The following ANKS1B variants were observed in gnomAD, a reference collection of about 807,000 sequenced individuals.
ANKS1B encodes the protein ankyrin repeat and sterile alpha motif domain containing 1B.
ANKS1B carries 36 observed loss-of-function variants against 148.3 expected under a neutral mutation model. The ratio of observed to expected loss-of-function variants is 0.24; its 90% CI spans 0.19 to 0.32. The LOEUF is 0.32. Ranked by LOEUF, ANKS1B falls within the 10% of genes least tolerant of loss-of-function variation. The pLI, the probability that ANKS1B is intolerant of heterozygous loss-of-function variation, is 1.00. For missense variants in ANKS1B, 1,157 were observed against 1,542.6 expected (o/e 0.75, Z 4.19); for synonymous variants, 542 against 560.8 (o/e 0.97, Z 0.47).
chr12:99,089,056 C>A (rs766626182), intron 15 of ANKS1B, among the ~76,000 whole-genome samples: 1 of 151,870 alleles, frequency 6.6e-6, no homozygotes, highest in African/African-American at 2.4e-5. Context: ...AACTCCTGAC[C>A]TCAGGTGATC....
rs149749373 is a variant in ANKS1B, at chr12:99,944,934, G to C, written c.134+39170C>G. On this transcript the variant is annotated intron_variant, in intron 1 of 26. Transcript: ENST00000683438. ...ATTTAGACATGCTGAAATGGGGATG[G>C]GGAGAGGTAGCCAGGTGAAGGAAGC... 2.7e-3 allele frequency among the ~76,000 whole-genome samples: 413 copies of C among 152,168 alleles called. 1 individual carries two copies. Among genetic ancestry groups the C allele is most frequent in the African/African-American group, 9.5e-3 (394 of 41,520 alleles).
At position 99,216,710 on chromosome 12, in the gene ANKS1B, T is replaced by C. The variant is rs553386999; in HGVS notation, c.2419+27632A>G. On this transcript the variant is annotated intron_variant, in intron 14 of 26. Coordinates refer to ENST00000683438, the MANE Select transcript of ANKS1B (RefSeq NM_001352186.2). ...TATAGGATCTGACAAGGCCCTGTCT[T>C]GTCTCTTTTAAGAAGGCATAGTTTG... 5.3e-5 allele frequency among the ~76,000 whole-genome samples: 8 copies of C among 152,314 alleles called. No individual in the cohort carries two copies. The East Asian group carries it at 1.4e-3, about 26-fold the overall frequency.
chr12:99,645,499 A>T (rs1177475768), intron 9 of ANKS1B, among the ~76,000 whole-genome samples: 1 of 152,154 alleles, frequency 6.6e-6, no homozygotes, highest in East Asian at 1.9e-4. Context: ...GGTCATCTCC[A>T]TTTCAAGGCT....
At chr12:99,315,560 A>T (rs2083921544) in intron 12 of ANKS1B, among the ~76,000 whole-genome samples, 1 of 152,198 alleles carries the variant, frequency 6.6e-6, no homozygotes, top group South Asian at 2.1e-4. Flanking sequence ...TTTTTCTATA[A>T]GTTTTATTAA....
intron 11 of ANKS1B, among the ~76,000 whole-genome samples, chr12:99,424,511 G>A (rs898250214): frequency 1.3e-5 from 2 of 149,296 alleles, no homozygotes; most frequent in East Asian, 1.9e-4. Context: ...AGGCTTAAAA[G>A]CTATGAAGTA....
chr12:99,236,081 G>A (rs570245956), intron 14 of ANKS1B, among the ~76,000 whole-genome samples: 13 of 152,272 alleles, frequency 8.5e-5, no homozygotes, highest in Admixed American at 6.5e-4. Flanking sequence ...TTTCACCAGC[G>A]CTGGAAGTGA....
chr12:99,648,244 T>C, intron 9 of ANKS1B: 3 of 1,614,142 alleles, frequency 1.9e-6, no homozygotes, highest in Non-Finnish European at 2.5e-6. Context: ...GTTTAACACC[T>C]CCATGGGGAA....
chr12:99,785,457 G>T (rs1278379738), intron 4 of ANKS1B, among the ~76,000 whole-genome samples: 1 of 151,278 alleles, frequency 6.6e-6, no homozygotes, highest in African/African-American at 2.4e-5. Flanking sequence ...TTTTTGAGAT[G>T]GAGTCTTGCT....
intron 1 of ANKS1B, among the ~76,000 whole-genome samples, chr12:99,889,483 T>C (rs2092991650): frequency 6.6e-6 from 1 of 152,210 alleles, no homozygotes; most frequent in African/African-American, 2.4e-5. Context: ...ACAAGAGACC[T>C]TTTTGCTTAA....
chr12:98,830,086 T>C (rs904349069), intron 18 of ANKS1B, among the ~76,000 whole-genome samples: 1 of 152,032 alleles, frequency 6.6e-6, no homozygotes, highest in Non-Finnish European at 1.5e-5. Flanking sequence ...TTTGTTCCCC[T>C]AAATCTCTTC....
chr12:99,245,018 C>A (rs1048451498), intron 13 of ANKS1B, among the ~76,000 whole-genome samples: 3 of 152,148 alleles, frequency 2.0e-5, no homozygotes, highest in Admixed American at 2.0e-4. Flanking sequence ...CCACACCTGG[C>A]TAATTTTTGT....
In ANKS1B at chr12:99,744,725, C is replaced by T. The variant is rs550575250; in HGVS notation, c.1128+28197G>A. ...AGATACTTCAGGCCAGGTGCGGTGG[C>T]TCATGCCTGTAATCCCAGCACTTTG... On this transcript the variant is annotated intron_variant, in intron 8 of 26. Transcript: ENST00000683438. Among the ~76,000 whole-genome samples the T allele has an allele frequency of 9.8e-5, 15 of 152,318 alleles. No homozygotes were observed. In the South Asian group the frequency reaches 3.1e-3, roughly 32 times the overall value.
At chr12:99,665,386 C>T (rs1836367841) in intron 8 of ANKS1B, among the ~76,000 whole-genome samples, 1 of 152,108 alleles carries the variant, frequency 6.6e-6, no homozygotes, top group East Asian at 1.9e-4. Flanking sequence ...ACATTTCTGC[C>T]AGTGCTACTA....
chr12:98,799,585 G>C lies in ANKS1B; in HGVS notation c.3271-580C>G, dbSNP rs561910526. Among the ~76,000 whole-genome samples, 3 of 152,142 alleles carry C rather than the reference G, an allele frequency of 2.0e-5. No homozygotes were observed. In the South Asian group the frequency reaches 6.2e-4, roughly 32 times the overall value. ...GTTGTTTCCCAGGGGAAGAGAGCTG[G>C]GTTCCTGGTGCGAAGTGCCACCTGG... On this transcript the variant is annotated intron_variant, in intron 21 of 26. Transcript: ENST00000683438.
chr12:99,978,176 T>C (rs2095651062), intron 1 of ANKS1B, among the ~76,000 whole-genome samples: 2 of 152,330 alleles, frequency 1.3e-5, no homozygotes, highest in East Asian at 1.9e-4. Context: ...GAGGCACTAA[T>C]AAATATTATA....
intron 12 of ANKS1B, among the ~76,000 whole-genome samples, chr12:99,248,797 C>T (rs2074207033): frequency 2.0e-5 from 3 of 152,120 alleles, no homozygotes; most frequent in Admixed American, 2.0e-4. Context: ...ATCCATTGGC[C>T]TTGCAAATAT....
At chr12:99,703,757 T>A (rs372028254) in intron 8 of ANKS1B, among the ~76,000 whole-genome samples, 1 of 152,258 alleles carries the variant, frequency 6.6e-6, no homozygotes, top group East Asian at 1.9e-4. Flanking sequence ...CTCATCACTA[T>A]CCTATAAGGT....
chr12:99,723,338 G>C (rs903874737), intron 8 of ANKS1B, among the ~76,000 whole-genome samples: 1 of 152,134 alleles, frequency 6.6e-6, no homozygotes, highest in African/African-American at 2.4e-5. Flanking sequence ...GCTTGGTTCC[G>C]AGAGGGGTCC....
At chr12:99,360,280 G>T (rs2092363941) in intron 12 of ANKS1B, among the ~76,000 whole-genome samples, 1 of 152,072 alleles carries the variant, frequency 6.6e-6, no homozygotes, top group Non-Finnish European at 1.5e-5. Flanking sequence ...TTTGTGAAAT[G>T]AATTAATAGG....
Sources: gnomAD v4.1 joint callset for allele counts (sites outside exome capture counted in the v4.1 genomes callset) on GRCh38, gnomAD v4.1.1 for gene constraint, MANE v1.5 for transcripts, NCBI Gene and HGNC (gene_info 2026-07-23, HGNC 2026-07-21) for gene names.